Variants in ADAM23 observed in about 807,000 individuals in gnomAD.
ADAM23 encodes the protein ADAM metallopeptidase domain 23.
In ADAM23, 33 loss-of-function variants were observed where a neutral mutation model predicts 120.1. That is an observed-to-expected ratio of 0.27 (90% confidence interval 0.21 to 0.37). The LOEUF (loss-of-function observed/expected upper bound fraction) is 0.37, where lower values mean the gene tolerates loss of function less well. Among genes scored for constraint, ADAM23 ranks in the 10% least tolerant of loss-of-function variants. The probability of loss-of-function intolerance (pLI) is 1.00; values close to 1 mark genes in which losing one functional copy is unlikely to be tolerated. For synonymous variants in ADAM23, 367 were observed against 375.2 expected, an observed-to-expected ratio of 0.98 and a Z score of 0.25; for missense variants, 862 against 1,058.2, an observed-to-expected ratio of 0.81 and a Z score of 2.57.
At chr2:206,538,109 T>C (rs1013497459) in intron 4 of ADAM23, among the ~76,000 whole-genome samples, 6 of 152,178 alleles carry the variant, frequency 3.9e-5, no homozygotes, top group Non-Finnish European at 7.3e-5. Flanking sequence ...ATGTGAACTA[T>C]TAAAAATTTA....
intron 3 of ADAM23, among the ~76,000 whole-genome samples, chr2:206,514,179 TG>T (rs1351903583): frequency 3.9e-5 from 6 of 152,208 alleles, no homozygotes. Context: ...TATTACATTT[TG>T]TAAAGTGATA....
At chr2:206,470,979 T>C (rs1695645871) in intron 2 of ADAM23, among the ~76,000 whole-genome samples, 1 of 152,198 alleles carries the variant, frequency 6.6e-6, no homozygotes, top group Non-Finnish European at 1.5e-5. Flanking sequence ...AGCAGTCTCA[T>C]AAGCAGAGCC....
Position 206,621,023 on chromosome 2 carries a change from A to G in ADAM23, c.*3396A>G, listed in dbSNP as rs1354739381. 6.6e-6 allele frequency: 1 copy of G among 152,226 alleles called. No individual in the cohort carries two copies. Among genetic ancestry groups the G allele is most frequent in the Non-Finnish European group, 1.5e-5 (1 of 68,042 alleles). The allele number at this position is 152,226 out of a possible 1,614,324, so 9.4% of individuals were successfully genotyped here. ...GTGCACTACCTGAAATTTTGTTTGA[A>G]ATTAATAAATTCATTCGTATCTTGT... is the stretch of plus-strand genomic sequence containing the variant. On this transcript the variant is annotated 3_prime_UTR_variant, in exon 26 of 26. Transcript: ENST00000264377.
chr2:206,541,957 T>A, intron 4 of ADAM23, 95 bp from the exon 5 acceptor site: 1 of 1,244,146 alleles, frequency 8.0e-7, no homozygotes, highest in Non-Finnish European at 1.2e-6. Flanking sequence ...TGCACATATA[T>A]GCCCATCCTT....
chr2:206,491,946 G>C (rs1387233465), intron 3 of ADAM23, among the ~76,000 whole-genome samples: 1 of 152,312 alleles, frequency 6.6e-6, no homozygotes, highest in African/African-American at 2.4e-5. Flanking sequence ...TTGATGGATA[G>C]ATTTCCATTG....
At chr2:206,445,195 G>GT (rs1373023143) in intron 1 of ADAM23, 112 bp from the exon 2 acceptor site, 15 of 767,040 alleles carry the variant, frequency 2.0e-5, no homozygotes, top group Non-Finnish European at 3.2e-5. Context: ...AAAACTTTGT[G>GT]TTTGAAATTA....
intron 4 of ADAM23, among the ~76,000 whole-genome samples, chr2:206,533,281 A>T (rs1375993964): frequency 1.3e-5 from 2 of 152,074 alleles, no homozygotes; most frequent in Non-Finnish European, 2.9e-5. Flanking sequence ...GGCTCACTGC[A>T]ACCTCCACCT....
intron 3 of ADAM23, among the ~76,000 whole-genome samples, chr2:206,509,910 C>T (rs1218020041): frequency 6.6e-6 from 1 of 152,206 alleles, no homozygotes; most frequent in East Asian, 1.9e-4. Flanking sequence ...TTCTCTCCTC[C>T]TGAGCCCGTG....
chr2:206,496,789 A>G (rs1182479963), intron 3 of ADAM23, among the ~76,000 whole-genome samples: 1 of 152,210 alleles, frequency 6.6e-6, no homozygotes, highest in Non-Finnish European at 1.5e-5. Flanking sequence ...AGAAGAATCA[A>G]ATAGACACAA....
At chr2:206,542,211 ACT>A in intron 5 of ADAM23, 77 bp downstream of exon 5, 1 of 1,416,110 alleles carries the variant, frequency 7.1e-7, no homozygotes, top group Non-Finnish European at 1.0e-6. Context: ...TATTTTAGTG[ACT>A]CTTCCGTGCC....
chr2:206,532,650 C>T (rs956255810), intron 4 of ADAM23, among the ~76,000 whole-genome samples: 6 of 152,044 alleles, frequency 3.9e-5, no homozygotes, highest in Non-Finnish European at 5.9e-5. Flanking sequence ...TGATATGGTG[C>T]ACACTATTTT....
chr2:206,595,588 C>T (rs1698508793), intron 23 of ADAM23, among the ~76,000 whole-genome samples: 3 of 152,278 alleles, frequency 2.0e-5, no homozygotes, highest in Middle Eastern at 6.8e-3. Flanking sequence ...TGATTTATGT[C>T]TCCTGGCCTT....
At chr2:206,563,266 A>G (rs72956610) in intron 13 of ADAM23, among the ~76,000 whole-genome samples, 18,508 of 152,158 alleles carry the variant, frequency 0.12, 1,322 homozygotes, top group Admixed American at 0.2. Context: ...TACCACCCCA[A>G]CCTCCCTAGA....
chr2:206,445,000 C>A (rs541625911), intron 1 of ADAM23, among the ~76,000 whole-genome samples: 4 of 22,210 alleles, frequency 1.8e-4, no homozygotes, highest in Admixed American at 1.5e-3. Context: ...TTCATTCTAC[C>A]CCCCCCCCAA....
chr2:206,587,586 A>G (rs1698348141), intron 19 of ADAM23, among the ~76,000 whole-genome samples: 1 of 151,956 alleles, frequency 6.6e-6, no homozygotes. Context: ...AAGAGAAAAA[A>G]AAAAAGAATG....
chr2:206,546,709 T>C (rs1252644610), intron 6 of ADAM23, among the ~76,000 whole-genome samples: 1 of 152,166 alleles, frequency 6.6e-6, no homozygotes, highest in Non-Finnish European at 1.5e-5. Context: ...AAGACAATGA[T>C]GTATCTCCCT....
At chr2:206,500,664 G>A (rs1029511711) in intron 3 of ADAM23, among the ~76,000 whole-genome samples, 2 of 152,110 alleles carry the variant, frequency 1.3e-5, no homozygotes, top group Non-Finnish European at 2.9e-5. Flanking sequence ...TGGCATCAAG[G>A]GACCTCCAGG....
At chr2:206,569,710 G>A (rs1483484263) in intron 15 of ADAM23, among the ~76,000 whole-genome samples, 1 of 152,176 alleles carries the variant, frequency 6.6e-6, no homozygotes, top group Non-Finnish European at 1.5e-5. Context: ...ACAGAGATGT[G>A]CAATGCTGAT....
chr2:206,616,607 G>A (rs1036500935), intron 25 of ADAM23, among the ~76,000 whole-genome samples: 16 of 152,082 alleles, frequency 1.1e-4, no homozygotes, highest in Non-Finnish European at 1.6e-4. Flanking sequence ...GGAATATATC[G>A]CAATGGCTTT....
Sources: gnomAD v4.1 joint callset for allele counts (sites outside exome capture counted in the v4.1 genomes callset) on GRCh38, gnomAD v4.1.1 for gene constraint, MANE v1.5 for transcripts, NCBI Gene and HGNC (gene_info 2026-07-23, HGNC 2026-07-21) for gene names.